Variants in CACNG3 observed in about 807,000 individuals in gnomAD.
The protein encoded by CACNG3 is voltage-dependent calcium channel gamma-3 subunit.
In CACNG3, 3 loss-of-function variants were observed where a neutral mutation model predicts 28.5. The observed-to-expected ratio is 0.11, with a 90% CI of 0.05 to 0.27. The LOEUF is 0.27. Among genes scored for constraint, CACNG3 ranks in the 10% least tolerant of loss-of-function variants. The pLI is 1.00. For synonymous variants in CACNG3, 174 were observed against 162.2 expected, an observed-to-expected ratio of 1.07 and a Z score of -0.55; for missense variants, 236 against 414.4, an observed-to-expected ratio of 0.57 and a Z score of 3.74.
chr16:24,265,929 T>C (rs1037417349), intron 1 of CACNG3, among the ~76,000 whole-genome samples: 4 of 152,206 alleles, frequency 2.6e-5, no homozygotes, highest in African/African-American at 7.2e-5. Context: ...TGTAGAGACA[T>C]GTAGGAATCT....
chr16:24,357,749 T>C (rs1900051702), intron 3 of CACNG3, among the ~76,000 whole-genome samples: 1 of 152,200 alleles, frequency 6.6e-6, no homozygotes, highest in African/African-American at 2.4e-5. Context: ...GGTGGCCCCA[T>C]CCAGATCTCC....
chr16:24,293,988 C>A (rs1898998428), intron 1 of CACNG3, among the ~76,000 whole-genome samples: 1 of 152,188 alleles, frequency 6.6e-6, no homozygotes, highest in South Asian at 2.1e-4. Context: ...CATCCATCCT[C>A]TTCCTCCAGC....
At chr16:24,336,117 C>T (rs1168194036) in intron 1 of CACNG3, among the ~76,000 whole-genome samples, 6 of 151,448 alleles carry the variant, frequency 4.0e-5, no homozygotes, top group African/African-American at 1.5e-4. Context: ...CCCAGCTACT[C>T]GGGAGGCAGA....
chr16:24,358,211 G>A (rs1163890048), intron 3 of CACNG3, among the ~76,000 whole-genome samples: 1 of 152,248 alleles, frequency 6.6e-6, no homozygotes, highest in Non-Finnish European at 1.5e-5. Flanking sequence ...TCTTAATTGA[G>A]CACCTACTAC....
chr16:24,335,179 G>A (rs1226362899), intron 1 of CACNG3, among the ~76,000 whole-genome samples: 1 of 152,140 alleles, frequency 6.6e-6, no homozygotes, highest in East Asian at 1.9e-4. Context: ...CAGCGCTTTG[G>A]GAGGCTGAGG....
rs79286265 is a variant in CACNG3, at chr16:24,338,260, T to C, written c.212-8474T>C. Among the ~76,000 whole-genome samples the C allele has an allele frequency of 2.8e-3, 423 of 152,256 alleles. 3 individuals carry two copies. Among genetic ancestry groups the C allele is most frequent in the African/African-American group, 9.3e-3 (386 of 41,564 alleles). The stretch of plus-strand genomic sequence containing the variant: ...AAGTGTCCCTTCTGCAACAACCCTA[T>C]CCAATGTTGCCCTCCACTTGCCCCC... On this transcript the variant is annotated intron_variant, in intron 1 of 3. Coordinates refer to ENST00000005284, the MANE Select transcript of CACNG3 (RefSeq NM_006539.4).
At chr16:24,294,904 T>C (rs1408447773) in intron 1 of CACNG3, among the ~76,000 whole-genome samples, 1 of 152,204 alleles carries the variant, frequency 6.6e-6, no homozygotes, top group Non-Finnish European at 1.5e-5. Context: ...TTGAGAATGA[T>C]ATTGCATTTC....
chr16:24,303,892 A>G (rs1271005104), intron 1 of CACNG3, among the ~76,000 whole-genome samples: 1 of 152,126 alleles, frequency 6.6e-6, no homozygotes, highest in Non-Finnish European at 1.5e-5. Context: ...TGGGTGACAG[A>G]GCAAGACCCC....
At chr16:24,277,023 C>G (rs1898761305) in intron 1 of CACNG3, among the ~76,000 whole-genome samples, 1 of 152,196 alleles carries the variant, frequency 6.6e-6, no homozygotes, top group South Asian at 2.1e-4. Flanking sequence ...AAACATTTAT[C>G]TTGGCCAGTG....
chr16:24,345,151 A>G (rs1899843597), intron 1 of CACNG3, among the ~76,000 whole-genome samples: 3 of 152,228 alleles, frequency 2.0e-5, no homozygotes, highest in Admixed American at 2.0e-4. Context: ...ATGTTCATGT[A>G]TAGCTTTATT....
intron 1 of CACNG3, among the ~76,000 whole-genome samples, chr16:24,315,481 CTCTT>C (rs765259689): frequency 3.2e-4 from 47 of 144,824 alleles, no homozygotes; most frequent in Admixed American, 1.8e-3. Context: ...CTTTCTCTCT[CTCTT>C]TCTTTCTTTT....
chr16:24,282,834 C>G (rs1278774419), intron 1 of CACNG3, among the ~76,000 whole-genome samples: 1 of 152,078 alleles, frequency 6.6e-6, no homozygotes, highest in Non-Finnish European at 1.5e-5. Context: ...AGATTCTACA[C>G]ACTCTCTTTT....
At chr16:24,288,550 G>A (rs1412645392) in intron 1 of CACNG3, among the ~76,000 whole-genome samples, 1 of 152,148 alleles carries the variant, frequency 6.6e-6, no homozygotes, top group South Asian at 2.1e-4. Context: ...TGTACAGAAG[G>A]CCAGGCCTTT....
intron 1 of CACNG3, among the ~76,000 whole-genome samples, chr16:24,281,188 T>C (rs575349542): frequency 6.6e-6 from 1 of 152,182 alleles, no homozygotes; most frequent in Non-Finnish European, 1.5e-5. Context: ...TATTCTGTTT[T>C]GTTGTTGTTG....
chr16:24,309,600 G>A (rs1023563848), intron 1 of CACNG3, among the ~76,000 whole-genome samples: 2 of 152,212 alleles, frequency 1.3e-5, no homozygotes, highest in African/African-American at 4.8e-5. Flanking sequence ...AGGGGTGCCT[G>A]GTGCCTGGTG....
intron 1 of CACNG3, among the ~76,000 whole-genome samples, chr16:24,283,552 T>C (rs962123813): frequency 6.6e-6 from 1 of 152,248 alleles, no homozygotes; most frequent in African/African-American, 2.4e-5. Context: ...TATAATTATT[T>C]ATAAGCTGCT....
At chr16:24,355,572 A>C (rs1465283732) in intron 3 of CACNG3, among the ~76,000 whole-genome samples, 5 of 152,246 alleles carry the variant, frequency 3.3e-5, no homozygotes, top group South Asian at 2.1e-4. Flanking sequence ...GACAAAGTGA[A>C]GTCTCATCTC....
chr16:24,282,774 CT>C (rs1244644754), intron 1 of CACNG3, among the ~76,000 whole-genome samples: 1 of 152,084 alleles, frequency 6.6e-6, no homozygotes, highest in Non-Finnish European at 1.5e-5. Flanking sequence ...ATGAACATAT[CT>C]ATTTCTGAAC....
At chr16:24,323,546 G>C (rs1422957852) in intron 1 of CACNG3, among the ~76,000 whole-genome samples, 2 of 152,130 alleles carry the variant, frequency 1.3e-5, no homozygotes, top group Non-Finnish European at 2.9e-5. Flanking sequence ...CAGTTACTAG[G>C]GGGTAGTACC....
Sources: gnomAD v4.1 joint callset for allele counts (sites outside exome capture counted in the v4.1 genomes callset) on GRCh38, gnomAD v4.1.1 for gene constraint, MANE v1.5 for transcripts, NCBI Gene and HGNC (gene_info 2026-07-23, HGNC 2026-07-21) for gene names.